SGCZ: variants seen among roughly 807,000 people sequenced by gnomAD.
SGCZ encodes the protein sarcoglycan zeta.
SGCZ carries 40 observed loss-of-function variants against 41.3 expected under a neutral mutation model. The observed-to-expected ratio is 0.97, with a 90% CI of 0.75 to 1.26. The LOEUF is 1.26. Ranked by LOEUF, SGCZ falls within the 50% of genes most tolerant of loss-of-function variation. The probability of loss-of-function intolerance (pLI) is 0.00; values close to 1 mark genes in which losing one functional copy is unlikely to be tolerated. For missense variants in SGCZ, 552 were observed against 369.8 expected (o/e 1.49, Z -4.04); for synonymous variants, 206 against 137.5 (o/e 1.50, Z -3.49).
At chr8:15,078,300 G>A (rs1805617872) in intron 1 of SGCZ, among the ~76,000 whole-genome samples, 1 of 151,360 alleles carries the variant, frequency 6.6e-6, no homozygotes, top group African/African-American at 2.4e-5. Context: ...ATATTCCCCT[G>A]GTATGATCTG....
chr8:14,141,997 A>G (rs191873225), intron 5 of SGCZ, among the ~76,000 whole-genome samples: 47 of 152,342 alleles, frequency 3.1e-4, no homozygotes, highest in East Asian at 2.1e-3. Flanking sequence ...TAAAAAATGG[A>G]TAAGTTCATG....
intron 1 of SGCZ, among the ~76,000 whole-genome samples, chr8:15,102,580 T>C (rs981359863): frequency 2.6e-5 from 4 of 152,194 alleles, no homozygotes; most frequent in African/African-American, 9.7e-5. Flanking sequence ...ACCACGCTAA[T>C]GCATGATATT....
intron 2 of SGCZ, among the ~76,000 whole-genome samples, chr8:14,544,819 T>C (rs1356572655): frequency 6.6e-6 from 1 of 152,204 alleles, no homozygotes; most frequent in Non-Finnish European, 1.5e-5. Flanking sequence ...CTTTGCCTTG[T>C]GATCTTTCTT....
At chr8:14,226,779 CTG>C (rs1228311682) in intron 4 of SGCZ, among the ~76,000 whole-genome samples, 1 of 152,030 alleles carries the variant, frequency 6.6e-6, no homozygotes, top group Non-Finnish European at 1.5e-5. Flanking sequence ...AACAGGGAAA[CTG>C]TGTTTTTAGA....
At chr8:14,401,750 G>A (rs544926660) in intron 2 of SGCZ, among the ~76,000 whole-genome samples, 8 of 151,398 alleles carry the variant, frequency 5.3e-5, no homozygotes, top group Non-Finnish European at 8.8e-5. Flanking sequence ...ATAAACATAC[G>A]TGTGCATGTA....
chr8:14,644,038 G>A (rs1807119254), intron 1 of SGCZ, among the ~76,000 whole-genome samples: 1 of 151,544 alleles, frequency 6.6e-6, no homozygotes, highest in South Asian at 2.1e-4. Context: ...GGTCTATCAA[G>A]GATAACTTGA....
intron 4 of SGCZ, among the ~76,000 whole-genome samples, chr8:14,224,480 C>A (rs1022877042): frequency 6.6e-6 from 1 of 152,084 alleles, no homozygotes. Flanking sequence ...GCTGCGCTGC[C>A]CTGGCTTTGT....
At chr8:15,069,651 T>C (rs1352027340) in intron 1 of SGCZ, among the ~76,000 whole-genome samples, 1 of 152,236 alleles carries the variant, frequency 6.6e-6, no homozygotes, top group Non-Finnish European at 1.5e-5. Context: ...TACTTTTGCT[T>C]ACCGCATATG....
intron 4 of SGCZ, among the ~76,000 whole-genome samples, chr8:14,202,479 T>C (rs1262741556): frequency 1.3e-5 from 2 of 152,090 alleles, no homozygotes; most frequent in Non-Finnish European, 2.9e-5. Context: ...GTCTATTTCA[T>C]ATTGGGTTTC....
chr8:15,086,932 GA>G (rs1805970238), intron 1 of SGCZ, among the ~76,000 whole-genome samples: 1 of 152,002 alleles, frequency 6.6e-6, no homozygotes, highest in Admixed American at 6.6e-5. Context: ...CCTTTTCATT[GA>G]CTATAGGCAA....
chr8:14,481,049 G>C (rs1801521806), intron 2 of SGCZ, among the ~76,000 whole-genome samples: 1 of 151,676 alleles, frequency 6.6e-6, no homozygotes, highest in African/African-American at 2.4e-5. Context: ...CAAACTAGAA[G>C]AAAATATTAA....
intron 1 of SGCZ, among the ~76,000 whole-genome samples, chr8:14,612,083 A>G (rs375465650): frequency 6.6e-6 from 1 of 152,234 alleles, no homozygotes; most frequent in Admixed American, 6.5e-5. Context: ...AACATTAGCT[A>G]TGAAAACGTA....
intron 2 of SGCZ, among the ~76,000 whole-genome samples, chr8:14,553,241 G>A (rs931944992): frequency 6.6e-6 from 1 of 151,946 alleles, no homozygotes; most frequent in African/African-American, 2.4e-5. Context: ...ATTCCCAAAT[G>A]AGAGGGTAAA....
rs1046851064 is a variant in SGCZ at position 15,073,770 on chromosome 8, G to C, written c.39+163815C>G. The stretch of plus-strand genomic sequence containing the variant: ...TGTGGACTAGCTGGCCCCCACAACT[G>C]TTTGAGCCAATTCTTTAAAATACAC... On this transcript the variant is annotated intron_variant, in intron 1 of 7. Transcript: ENST00000382080. Among the ~76,000 whole-genome samples, 4 of 152,148 alleles carry C rather than the reference G, an allele frequency of 2.6e-5. No homozygotes were observed. In the East Asian group the frequency reaches 5.8e-4, roughly 22 times the overall value.
intron 2 of SGCZ, among the ~76,000 whole-genome samples, chr8:14,549,396 G>C: frequency 6.6e-6 from 1 of 151,916 alleles, no homozygotes; most frequent in East Asian, 1.9e-4. Flanking sequence ...TAGGAGACAA[G>C]GACATTCATT....
chr8:14,538,187 T>C (rs1220307727), intron 2 of SGCZ, among the ~76,000 whole-genome samples: 7 of 152,012 alleles, frequency 4.6e-5, no homozygotes, highest in African/African-American at 1.7e-4. Flanking sequence ...GTCCCCATCC[T>C]ACATTTGTAT....
chr8:14,804,694 G>A (rs1801462651), intron 1 of SGCZ, among the ~76,000 whole-genome samples: 2 of 126,554 alleles, frequency 1.6e-5, no homozygotes, highest in East Asian at 2.6e-4. Context: ...ATCTAGCAAG[G>A]CAGGCCAACG....
At chr8:14,517,722 T>C (rs941014792) in intron 2 of SGCZ, among the ~76,000 whole-genome samples, 1 of 152,138 alleles carries the variant, frequency 6.6e-6, no homozygotes, top group South Asian at 2.1e-4. Flanking sequence ...TGCTTGATAA[T>C]ATTTTCAATT....
intron 1 of SGCZ, among the ~76,000 whole-genome samples, chr8:14,993,198 G>T (rs74508444): frequency 6.6e-6 from 1 of 152,036 alleles, no homozygotes; most frequent in Admixed American, 6.6e-5. Flanking sequence ...TTTAACTCAC[G>T]AAGAGTAACC....
Sources: gnomAD v4.1 joint callset for allele counts (sites outside exome capture counted in the v4.1 genomes callset) on GRCh38, gnomAD v4.1.1 for gene constraint, MANE v1.5 for transcripts, NCBI Gene and HGNC (gene_info 2026-07-23, HGNC 2026-07-21) for gene names.